Variants in IL1RN observed in about 807,000 individuals in gnomAD.
IL1RN encodes the protein interleukin-1 receptor antagonist protein.
In IL1RN, 10 loss-of-function variants were observed where a neutral mutation model predicts 13.7. The observed-to-expected ratio is 0.73, with a 90% CI of 0.45 to 1.24. The LOEUF is 1.24. Among genes scored for constraint, IL1RN ranks in the 50% most tolerant of loss-of-function variants. IL1RN has a pLI of 0.00. For synonymous variants in IL1RN, 102 were observed against 82.7 expected (o/e 1.23, Z -1.27); for missense variants, 213 against 222.1 (o/e 0.96, Z 0.26).
At chr2:113,127,510 C>T (rs1687001680), upstream of IL1RN, 21 of 1,475,206 alleles carry the variant, frequency 1.4e-5, 1 homozygote, top group South Asian at 8.2e-5. Context: ...AGGGTATTTC[C>T]GCTTCTCGCA....
chr2:113,125,002 G>C (rs577991234), upstream of IL1RN, among the ~76,000 whole-genome samples: 4 of 152,154 alleles, frequency 2.6e-5, no homozygotes, highest in African/African-American at 9.7e-5. Flanking sequence ...GTGTGGGTGG[G>C]GCTTTTTACT....
At chr2:113,103,736 C>T (rs1028875830), upstream of IL1RN, among the ~76,000 whole-genome samples, 7 of 152,144 alleles carry the variant, frequency 4.6e-5, no homozygotes, top group East Asian at 1.4e-3. Flanking sequence ...AACAGAAATA[C>T]AGCAATCAGA....
upstream of IL1RN, among the ~76,000 whole-genome samples, chr2:113,103,373 T>A (rs1686342812): frequency 1.3e-5 from 2 of 151,616 alleles, no homozygotes; most frequent in African/African-American, 4.9e-5. Context: ...AGAAAGACTC[T>A]CCTGGAGTAT....
At chr2:113,105,501 C>T (rs1377037835), upstream of IL1RN, among the ~76,000 whole-genome samples, 1 of 152,200 alleles carries the variant, frequency 6.6e-6, no homozygotes, top group African/African-American at 2.4e-5. Flanking sequence ...CAGTTTGCCA[C>T]TCAAACAATA....
At chr2:113,129,787 G>C in intron 2 of IL1RN, 123 bp downstream of exon 2, 1 of 757,806 alleles carries the variant, frequency 1.3e-6, no homozygotes, top group Non-Finnish European at 2.4e-6. Flanking sequence ...TTGGGTCTTT[G>C]TATTCAAGTT....
At chr2:113,121,140 C>T (rs1361219759) in intron 2 of IL1RN, among the ~76,000 whole-genome samples, 2 of 40,130 alleles carry the variant, frequency 5.0e-5, no homozygotes, top group Non-Finnish European at 1.8e-4. Context: ...TCTTCTTCAT[C>T]GTCTTCGTCT....
At chr2:113,122,712 G>A (rs554606339), upstream of IL1RN, among the ~76,000 whole-genome samples, 7 of 152,178 alleles carry the variant, frequency 4.6e-5, no homozygotes, top group South Asian at 6.2e-4. Flanking sequence ...CCAGCTCATC[G>A]GGCTGGCTTT....
intron 1 of IL1RN, among the ~76,000 whole-genome samples, chr2:113,127,947 G>A (rs552539493): frequency 3.9e-5 from 6 of 152,352 alleles, no homozygotes; most frequent in African/African-American, 9.6e-5. Context: ...TAGTGCGACC[G>A]GAGGGCTGTC....
upstream of IL1RN, among the ~76,000 whole-genome samples, chr2:113,109,201 T>C (rs930956530): frequency 6.6e-6 from 1 of 151,574 alleles, no homozygotes; most frequent in African/African-American, 2.4e-5. Context: ...TCACCTGAGG[T>C]CAGGAGTTCG....
At chr2:113,124,769 GAC>G (rs1686897568), upstream of IL1RN, among the ~76,000 whole-genome samples, 4 of 152,084 alleles carry the variant, frequency 2.6e-5, no homozygotes. Context: ...GTGGGGTAAT[GAC>G]ACAGGGGGAT....
chr2:113,131,049 GATAGATGTGGTACCC>G lies in IL1RN; in HGVS notation c.213_227del (p.Asp72_Ile76del), dbSNP rs1340890598. On this transcript the variant is annotated inframe_deletion, in exon 3 of 4. Coordinates refer to ENST00000409930, the MANE Select transcript of IL1RN (RefSeq NM_173842.3). Reference sequence around the variant, plus strand: ...CTCCCCTCTGTTCTTCCCCAGAAAAGATAGATGTGGTACCCATTGAGCCTCATGCTCTGTTCTTGG... The same window carrying G: ...CTCCCCTCTGTTCTTCCCCAGAAAAGATTGAGCCTCATGCTCTGTTCTTGG... 1.9e-6 allele frequency: 3 copies of G among 1,600,934 alleles called. No individual in the cohort carries two copies. The highest frequency in any genetic ancestry group is 3.3e-5 in the Admixed American group (2 of 60,010).
chr2:113,114,852 C>G (rs889637893), upstream of IL1RN, among the ~76,000 whole-genome samples: 2 of 152,076 alleles, frequency 1.3e-5, no homozygotes, highest in African/African-American at 4.8e-5. Flanking sequence ...AATGCAGAGT[C>G]TGAGCTGAGG....
chr2:113,112,470 C>A (rs1686517882), intron 1 of IL1RN, among the ~76,000 whole-genome samples: 1 of 152,228 alleles, frequency 6.6e-6, no homozygotes, highest in South Asian at 2.1e-4. Flanking sequence ...CTGCCCCAAG[C>A]CTGAGGCCCT....
chr2:113,123,788 G>A (rs315935), upstream of IL1RN, among the ~76,000 whole-genome samples: 146,357 of 152,304 alleles, frequency 0.96, 70,586 homozygotes, highest in East Asian at 1. Context: ...CGAAAGAACT[G>A]TGGAGAATAT....
chr2:113,132,089 T>C (rs1344342709), intron 3 of IL1RN, among the ~76,000 whole-genome samples: 3 of 152,196 alleles, frequency 2.0e-5, no homozygotes, highest in African/African-American at 7.2e-5. Flanking sequence ...AAGGCCAGAG[T>C]GGCCAGATTT....
At chr2:113,109,108 A>C (rs1025043073), upstream of IL1RN, among the ~76,000 whole-genome samples, 2 of 152,172 alleles carry the variant, frequency 1.3e-5, no homozygotes, top group Non-Finnish European at 2.9e-5. Context: ...AGAGAAAAAG[A>C]AGCATTGAAA....
intron 3 of IL1RN, among the ~76,000 whole-genome samples, chr2:113,132,421 C>T (rs1687206129): frequency 6.6e-6 from 1 of 152,154 alleles, no homozygotes; most frequent in African/African-American, 2.4e-5. Flanking sequence ...GCACTCCAGC[C>T]TAGGCGACAG....
chr2:113,122,156 G>A (rs1794065), intron 2 of IL1RN, among the ~76,000 whole-genome samples: 32,185 of 152,212 alleles, frequency 0.21, 4,241 homozygotes, highest in Admixed American at 0.28. Context: ...GTCCACCCAA[G>A]CTGGATGCCA....
At chr2:113,117,368 C>T (rs1207418480), upstream of IL1RN, among the ~76,000 whole-genome samples, 1 of 152,260 alleles carries the variant, frequency 6.6e-6, no homozygotes, top group Non-Finnish European at 1.5e-5. Context: ...CAGGTCTCCA[C>T]TCTTATGTCA....
Sources: gnomAD v4.1 joint callset for allele counts (sites outside exome capture counted in the v4.1 genomes callset) on GRCh38, gnomAD v4.1.1 for gene constraint, MANE v1.5 for transcripts, NCBI Gene and HGNC (gene_info 2026-07-23, HGNC 2026-07-21) for gene names.